The following C16orf89 variants were observed in gnomAD, a reference collection of about 807,000 sequenced individuals.
C16orf89 encodes chromosome 16 open reading frame 89.
Under a neutral mutation model 41.5 loss-of-function variants are expected in C16orf89, and 57 were observed. The ratio of observed to expected loss-of-function variants is 1.38; its 90% CI spans 1.11 to 1.71. C16orf89 has a LOEUF of 1.71. Ranked by LOEUF, C16orf89 falls within the 40% of genes most tolerant of loss-of-function variation. The pLI, the probability that C16orf89 is intolerant of heterozygous loss-of-function variation, is 0.00. For missense variants in C16orf89, 575 were observed against 445.9 expected, an observed-to-expected ratio of 1.29 and a Z score of -2.61; for synonymous variants, 223 against 190.6, an observed-to-expected ratio of 1.17 and a Z score of -1.40.
At chr16:5,046,899 T>A (rs892843441) in intron 7 of C16orf89, among the ~76,000 whole-genome samples, 3 of 152,194 alleles carry the variant, frequency 2.0e-5, no homozygotes, top group Admixed American at 2.0e-4. Flanking sequence ...CTATTCATAA[T>A]GGCTCCAAGA....
In C16orf89 at chr16:5,052,615, AGAC is replaced by A. The variant is rs1470837375; in HGVS notation, c.868+2628_868+2630del. The stretch of plus-strand genomic sequence containing the variant: ...AAAAAGAAAGAAAGAAAAAAAAAAA[AGAC>A]AACAGATAACAAATGCTGGCAAAGA... On this transcript the variant is annotated intron_variant, in intron 6 of 7. Transcript: ENST00000472572. Among the ~76,000 whole-genome samples, 10 of 149,732 alleles carry A rather than the reference AGAC, an allele frequency of 6.7e-5. No individual in the cohort carries two copies. The East Asian group carries it at 1.8e-3, about 26-fold the overall frequency.
At position 5,062,488 on chromosome 16, in the gene C16orf89, G is replaced by A. The variant is rs371179598; in HGVS notation, c.295C>T (p.Leu99=). ...SLRVGMLGEK[L]EAAIQRSLHY... is the part of the protein sequence containing the mutation. ...AGGGATCTCTGGATGGCAGCCTCCAGCTTCTCCCCCAGCATCCCCACGCGC... is the reference window on the plus strand; with the variant it reads ...AGGGATCTCTGGATGGCAGCCTCCAACTTCTCCCCCAGCATCCCCACGCGC... Residue 99 remains leucine, a synonymous_variant, in exon 2 of 8, where the codon CTG becomes TTG. Coordinates refer to ENST00000472572, the MANE Select transcript of C16orf89 (RefSeq NM_001098514.3). 3.1e-6 allele frequency: 5 copies of A among 1,613,940 alleles called. No homozygotes were observed. The African/African-American group carries it at 6.7e-5, about 22-fold the overall frequency.
rs572259627 is a variant in C16orf89, at chr16:5,044,737, G to A, written c.956-259C>T. ...CACGCTCCTGTAGTCCCAGCTACTC[G>A]GGAGGATGAGGCAAGAGAATTGCTT... On this transcript the variant is annotated intron_variant, in intron 7 of 7. Coordinates refer to ENST00000472572, the MANE Select transcript of C16orf89 (RefSeq NM_001098514.3). The A allele has an allele frequency of 2.1e-4, 211 of 1,015,382 alleles. No homozygotes were observed. The African/African-American group carries it at 3.2e-3, about 15-fold the overall frequency. The allele number at this position is 1,015,382 out of a possible 1,614,324, so 62.9% of individuals were successfully genotyped here.
chr16:5,043,107 T>C (rs1447637164), downstream of C16orf89: 1 of 152,246 alleles, frequency 6.6e-6, no homozygotes, highest in Non-Finnish European at 1.5e-5. Flanking sequence ...TTACCCAGGC[T>C]GGAGTGCAGT....
chr16:5,060,248 T>G, intron 3 of C16orf89, 38 bp downstream of exon 3: 1 of 1,572,492 alleles, frequency 6.4e-7, no homozygotes, highest in Non-Finnish European at 8.6e-7. Flanking sequence ...AACTAGTGCG[T>G]TTGGGTTTCC....
chr16:5,044,906 C>T (rs528255709), intron 7 of C16orf89: 3 of 1,245,764 alleles, frequency 2.4e-6, no homozygotes, highest in Admixed American at 6.7e-5. Flanking sequence ...TGAGTGGGTG[C>T]TTCGGTGCTC....
At chr16:5,057,121 C>T (rs1956524133) in intron 4 of C16orf89, among the ~76,000 whole-genome samples, 1 of 151,440 alleles carries the variant, frequency 6.6e-6, no homozygotes, top group South Asian at 2.1e-4. Context: ...GCCTGTAATC[C>T]CAGCTACTTG....
chr16:5,062,378 C>T, intron 2 of C16orf89, 47 bp downstream of exon 2: 2 of 1,559,868 alleles, frequency 1.3e-6, no homozygotes, highest in Admixed American at 1.8e-5. Context: ...GTCAATATCC[C>T]CATAGGCGCT....
At chr16:5,050,467 A>G (rs1188915164) in intron 6 of C16orf89, among the ~76,000 whole-genome samples, 1 of 152,230 alleles carries the variant, frequency 6.6e-6, no homozygotes, top group Non-Finnish European at 1.5e-5. Flanking sequence ...GAACAGACCA[A>G]TTATGAGTAA....
intron 6 of C16orf89, 89 bp downstream of exon 6, chr16:5,055,157 A>T (rs559437705): frequency 2.2e-5 from 24 of 1,115,616 alleles, no homozygotes; most frequent in African/African-American, 7.8e-5. Context: ...CTTAACACCA[A>T]TGCATTGTTC....
rs770082606 is a variant in C16orf89, at chr16:5,055,332, C to A, written c.782G>T (p.Gly261Val). The A allele has an allele frequency of 9.9e-6, 16 of 1,611,888 alleles. No individual in the cohort carries two copies. In the Admixed American group the frequency reaches 2.5e-4, roughly 25 times the overall value. The change falls in exon 6 of 8, where the codon GGC (glycine) becomes GTC (valine). Residue 261 changes from glycine (G) to valine (V), a missense_variant. Coordinates refer to ENST00000472572, the MANE Select transcript of C16orf89 (RefSeq NM_001098514.3). ...GAGCTTGTAGAAGTCGGAGAAGCCG[C>A]CCATTCCACAGAACATGACTGGAAG... ...FMENIMFCGM[G>V]GFSDFYKLRW...
Position 5,062,569 on chromosome 16 carries a change from G to A in C16orf89, c.214C>T (p.Leu72=). The change falls in exon 2 of 8, where the codon CTA becomes TTA. Residue 72 remains leucine, a synonymous_variant. Transcript: ENST00000472572. ...MVGVRVLEEQ[L]KSVREKWAQE... is the part of the protein sequence containing the mutation. ...GCCCACTTCTCCCGGACACTTTTTA[G>A]CTGCTCTGGAAGGGAACAGAGTTAA... 1 of 1,609,902 alleles carries A rather than the reference G, an allele frequency of 6.2e-7. No individual in the cohort carries two copies.
intron 5 of C16orf89, 61 bp downstream of exon 5, chr16:5,055,991 GT>G: frequency 9.6e-7 from 1 of 1,038,854 alleles, no homozygotes; most frequent in Non-Finnish European, 1.4e-6. Flanking sequence ...GTGTGTGTGT[GT>G]GTGTGTGTTG....
At chr16:5,044,503 G>T in intron 7 of C16orf89, 25 bp from the exon 8 acceptor site, 1 of 1,611,720 alleles carries the variant, frequency 6.2e-7, no homozygotes, top group South Asian at 1.1e-5. Context: ...CCCCATGAGT[G>T]CTGGGTGGCA....
Position 5,055,310 on chromosome 16 carries a change from C to T in C16orf89, c.804G>A (p.Lys268=). The T allele has an allele frequency of 6.2e-7, 1 of 1,613,518 alleles. No homozygotes were observed. The highest frequency in any genetic ancestry group is 1.3e-5 in the African/African-American group (1 of 74,994). The part of the protein sequence containing the change: ...CGMGGFSDFY[K]LRWLEAILSW... The stretch of plus-strand genomic sequence containing the variant: ...TGAGAATGGCCTCCAGCCACCGGAG[C>T]TTGTAGAAGTCGGAGAAGCCGCCCA... The change falls in exon 6 of 8, where the codon AAG becomes AAA. Residue 268 remains lysine, a synonymous_variant. Coordinates refer to ENST00000472572, the MANE Select transcript of C16orf89 (RefSeq NM_001098514.3).
intron 5 of C16orf89, 65 bp downstream of exon 5, chr16:5,055,987 GT>G: frequency 1.8e-6 from 2 of 1,088,264 alleles, no homozygotes; most frequent in East Asian, 2.4e-5. Context: ...GTGTGTGTGT[GT>G]GTGTGTGTGT....
In C16orf89 at chr16:5,065,733, A is replaced by C. The variant is rs1237476309; in HGVS notation, c.176T>G (p.Leu59Arg). 6.2e-7 allele frequency: 1 copy of C among 1,614,040 alleles called. No homozygotes were observed. The highest frequency in any genetic ancestry group is 1.7e-5 in the Admixed American group (1 of 60,028). The stretch of plus-strand genomic sequence containing the variant: ...CACTCGGACCCCCACCATGCCATCC[A>C]GGTTGATTTCAGGCAGCCTCTGTTC... ...FLEQRLPEINLDGMVGVRVLE... is the reference protein window; with the variant it reads ...FLEQRLPEINRDGMVGVRVLE... Residue 59 changes from leucine to arginine, a missense_variant, in exon 1 of 8, where the codon CTG becomes CGG. Physicochemically the swap from Leu to Arg is moderately radical, Grantham distance 102. Coordinates refer to ENST00000472572, the MANE Select transcript of C16orf89 (RefSeq NM_001098514.3).
At chr16:5,050,304 G>T (rs1157274228) in intron 6 of C16orf89, among the ~76,000 whole-genome samples, 1 of 151,994 alleles carries the variant, frequency 6.6e-6, no homozygotes, top group African/African-American at 2.4e-5. Flanking sequence ...GGAGGTGGAG[G>T]TTGCAGTGAG....
intron 6 of C16orf89, among the ~76,000 whole-genome samples, chr16:5,050,685 A>G (rs1036802635): frequency 6.6e-6 from 1 of 152,234 alleles, no homozygotes; most frequent in African/African-American, 2.4e-5. Flanking sequence ...ACAAAGCAAC[A>G]ACAAAAAAAC....
Sources: gnomAD v4.1 joint callset for allele counts (sites outside exome capture counted in the v4.1 genomes callset) on GRCh38, gnomAD v4.1.1 for gene constraint, MANE v1.5 for transcripts, NCBI Gene and HGNC (gene_info 2026-07-23, HGNC 2026-07-21) for gene names.